CPNE2: variants seen among roughly 807,000 people sequenced by gnomAD.
CPNE2 encodes copine 2.
In CPNE2, 42 loss-of-function variants were observed where a neutral mutation model predicts 69.7. That is an observed-to-expected ratio of 0.60 (90% CI 0.47 to 0.78). The LOEUF is 0.78. Among genes scored for constraint, CPNE2 ranks in the 30% least tolerant of loss-of-function variants. The pLI, the probability that CPNE2 is intolerant of heterozygous loss-of-function variation, is 0.00. For missense variants in CPNE2, 587 were observed against 732.0 expected (o/e 0.80, Z 2.29); for synonymous variants, 294 against 289.8 (o/e 1.01, Z -0.15).
In CPNE2 at chr16:57,148,306, A is replaced by T. The variant is rs1318025005; in HGVS notation, c.*648A>T. ...TGCCAGTTAACAGTGATAACCTGTT[A>T]AACTGGCACAGAACCTGGCACATTG... On this transcript the variant is annotated 3_prime_UTR_variant, in exon 16 of 16. Coordinates refer to ENST00000290776, the MANE Select transcript of CPNE2 (RefSeq NM_152727.6). The T allele has an allele frequency of 6.6e-6, 1 of 152,278 alleles. No individual in the cohort carries two copies. The highest frequency in any genetic ancestry group is 1.5e-5 in the Non-Finnish European group (1 of 68,050). The allele number at this position is 152,278 out of a possible 1,614,324, so 9.4% of individuals were successfully genotyped here.
At chr16:57,107,923 T>A (rs1350119786) in intron 1 of CPNE2, among the ~76,000 whole-genome samples, 2 of 144,488 alleles carry the variant, frequency 1.4e-5, no homozygotes, top group African/African-American at 5.2e-5. Flanking sequence ...CAGGCTGGAG[T>A]GCAGTGGCGC....
At chr16:57,120,647 G>T (rs2069755252) in intron 7 of CPNE2, among the ~76,000 whole-genome samples, 1 of 152,030 alleles carries the variant, frequency 6.6e-6, no homozygotes, top group Non-Finnish European at 1.5e-5. Context: ...CTCTTTCAGG[G>T]CCTCAGTTTA....
rs541771610 is a variant in CPNE2, at chr16:57,123,258, A to G, written c.868-156A>G. On this transcript the variant is annotated intron_variant, in intron 9 of 15. Coordinates refer to ENST00000290776, the MANE Select transcript of CPNE2 (RefSeq NM_152727.6). Reference sequence around the variant, plus strand: ...GAACCATTGCACTGAAGGCTTTGTTATAGAGAGATTTGGGTTTTGTTGTAA... The same window carrying G: ...GAACCATTGCACTGAAGGCTTTGTTGTAGAGAGATTTGGGTTTTGTTGTAA... 5.6e-5 allele frequency: 41 copies of G among 729,384 alleles called. No individual in the cohort carries two copies. The South Asian group carries it at 6.2e-4, about 11-fold the overall frequency. The allele number at this position is 729,384 out of a possible 1,614,324, so 45.2% of individuals were successfully genotyped here.
At chr16:57,119,148 C>A in intron 5 of CPNE2, 47 bp from the exon 6 acceptor site, 1 of 1,556,830 alleles carries the variant, frequency 6.4e-7, no homozygotes, top group Non-Finnish European at 8.9e-7. Flanking sequence ...CTGCCTGAAC[C>A]TAGCAGGGCT....
At chr16:57,105,199 G>A (rs182938954) in intron 1 of CPNE2, among the ~76,000 whole-genome samples, 312 of 152,320 alleles carry the variant, frequency 2.0e-3, no homozygotes, top group Middle Eastern at 6.8e-3. Context: ...GTGGAAGTGG[G>A]GAGAGGACGG....
intron 1 of CPNE2, among the ~76,000 whole-genome samples, chr16:57,108,093 C>G (rs953844717): frequency 1.3e-5 from 2 of 152,108 alleles, no homozygotes; most frequent in Non-Finnish European, 2.9e-5. Flanking sequence ...TGGTCTTGAA[C>G]TCCTGACTTC....
At chr16:57,134,461 A>G (rs2069862054) in intron 12 of CPNE2, among the ~76,000 whole-genome samples, 1 of 152,138 alleles carries the variant, frequency 6.6e-6, no homozygotes, top group South Asian at 2.1e-4. Context: ...CCACAGGGAA[A>G]TCCCTGTCCC....
At chr16:57,135,550 C>T (rs1281617353) in intron 13 of CPNE2, among the ~76,000 whole-genome samples, 1 of 151,850 alleles carries the variant, frequency 6.6e-6, no homozygotes, top group African/African-American at 2.4e-5. Flanking sequence ...GCCTGTGGTC[C>T]CAGCTACTCA....
chr16:57,109,961 GGAA>G (rs2069670420), intron 1 of CPNE2, among the ~76,000 whole-genome samples: 1 of 152,186 alleles, frequency 6.6e-6, no homozygotes. Context: ...GGCCAAAGTA[GGAA>G]GGAGAGAAGC....
At chr16:57,101,388 G>A (rs565030375) in intron 1 of CPNE2, among the ~76,000 whole-genome samples, 3 of 152,304 alleles carry the variant, frequency 2.0e-5, no homozygotes, top group East Asian at 3.9e-4. Context: ...TTCAAGATAC[G>A]TTCCAACCCC....
At chr16:57,100,303 G>A (rs1461495668) in intron 1 of CPNE2, among the ~76,000 whole-genome samples, 3 of 152,184 alleles carry the variant, frequency 2.0e-5, no homozygotes, top group East Asian at 1.9e-4. Flanking sequence ...GCAGAATTAG[G>A]GAGGCACGAA....
intron 1 of CPNE2, among the ~76,000 whole-genome samples, chr16:57,102,086 T>C (rs561034351): frequency 5.9e-5 from 9 of 152,070 alleles, no homozygotes; most frequent in Non-Finnish European, 1.2e-4. Context: ...TACCTGGGAC[T>C]ACAGGCACAT....
At chr16:57,108,305 C>T (rs1428058385) in intron 1 of CPNE2, among the ~76,000 whole-genome samples, 7 of 152,178 alleles carry the variant, frequency 4.6e-5, no homozygotes, top group African/African-American at 1.7e-4. Context: ...ATACTTGCCT[C>T]GTAAGACTGA....
chr16:57,121,625 T>C (rs554119487), intron 8 of CPNE2, 49 bp from the exon 9 acceptor site: 1 of 1,569,614 alleles, frequency 6.4e-7, no homozygotes, highest in South Asian at 1.1e-5. Flanking sequence ...GGAGGATCTG[T>C]TTCCAAAGAA....
At chr16:57,135,412 T>C (rs2069871968) in intron 13 of CPNE2, among the ~76,000 whole-genome samples, 1 of 152,172 alleles carries the variant, frequency 6.6e-6, no homozygotes, top group African/African-American at 2.4e-5. Flanking sequence ...CTCATGCCTG[T>C]AATCCCAGCA....
chr16:57,136,623 C>T (rs1022796397), intron 13 of CPNE2, among the ~76,000 whole-genome samples: 2 of 152,176 alleles, frequency 1.3e-5, no homozygotes, highest in African/African-American at 4.8e-5. Flanking sequence ...CTAAGAAAGG[C>T]AGGATTTAGG....
At chr16:57,093,907 A>T (rs1303121182) in intron 1 of CPNE2, 1 of 368,218 alleles carries the variant, frequency 2.7e-6, no homozygotes, top group African/African-American at 2.1e-5. Flanking sequence ...CCTGATGGGG[A>T]GGCCTGGGAG....
chr16:57,112,189 G>C (rs2069685581), intron 2 of CPNE2, among the ~76,000 whole-genome samples: 1 of 152,182 alleles, frequency 6.6e-6, no homozygotes, highest in Admixed American at 6.5e-5. Flanking sequence ...CCACTTTACA[G>C]AGGGGGAAAC....
intron 2 of CPNE2, 50 bp downstream of exon 2, chr16:57,110,972 T>G: frequency 1.3e-6 from 2 of 1,542,076 alleles, no homozygotes; most frequent in Admixed American, 1.8e-5. Context: ...GCTAGGCTGC[T>G]GGGGAGGGGG....
Sources: gnomAD v4.1 joint callset for allele counts (sites outside exome capture counted in the v4.1 genomes callset) on GRCh38, gnomAD v4.1.1 for gene constraint, MANE v1.5 for transcripts, NCBI Gene and HGNC (gene_info 2026-07-23, HGNC 2026-07-21) for gene names.